Variants in TNNI3K observed in about 807,000 individuals in gnomAD.
The protein encoded by TNNI3K is serine/threonine-protein kinase TNNI3K.
Under a neutral mutation model 114.5 loss-of-function variants are expected in TNNI3K, and 140 were observed. The ratio of observed to expected loss-of-function variants is 1.22; its 90% confidence interval spans 1.07 to 1.41. The LOEUF (loss-of-function observed/expected upper bound fraction) is 1.41, where lower values mean the gene tolerates loss of function less well. TNNI3K is among the 40% of genes most tolerant of loss of function. The pLI, the probability that TNNI3K is intolerant of heterozygous loss-of-function variation, is 0.00. For synonymous variants in TNNI3K, 347 were observed against 347.5 expected (o/e 1.00, Z 0.02); for missense variants, 1,125 against 1,007.6 (o/e 1.12, Z -1.58).
At chr1:74,541,580 T>A (rs1646727332) in intron 24 of TNNI3K, 1 of 152,202 alleles carries the variant, frequency 6.6e-6, no homozygotes, top group Non-Finnish European at 1.5e-5. Flanking sequence ...CTTTGAAACA[T>A]TTGCTTTGAC....
intron 7 of TNNI3K, among the ~76,000 whole-genome samples, chr1:74,336,383 G>A (rs1660466273): frequency 6.6e-6 from 1 of 151,908 alleles, no homozygotes; most frequent in South Asian, 2.1e-4. Context: ...AAGTTTTAGG[G>A]TACATGTGCA....
At chr1:74,277,579 A>G (rs1465911103) in intron 5 of TNNI3K, among the ~76,000 whole-genome samples, 3 of 152,132 alleles carry the variant, frequency 2.0e-5, no homozygotes, top group African/African-American at 7.2e-5. Context: ...AGCACACAAC[A>G]CACACACACC....
At chr1:74,518,021 G>A (rs1343889024) in intron 23 of TNNI3K, among the ~76,000 whole-genome samples, 2 of 152,156 alleles carry the variant, frequency 1.3e-5, no homozygotes, top group Non-Finnish European at 2.9e-5. Flanking sequence ...CAAAGTTTTT[G>A]AGCAAGCGAT....
intron 5 of TNNI3K, among the ~76,000 whole-genome samples, chr1:74,309,165 G>A (rs947355739): frequency 2.0e-5 from 3 of 150,910 alleles, no homozygotes; most frequent in Non-Finnish European, 4.4e-5. Context: ...TCAGGAGATC[G>A]AGACCATCCT....
At chr1:74,473,957 T>C (rs1373193719) in intron 21 of TNNI3K, among the ~76,000 whole-genome samples, 1 of 152,138 alleles carries the variant, frequency 6.6e-6, no homozygotes, top group Non-Finnish European at 1.5e-5. Flanking sequence ...AATTTTTCTT[T>C]ACCGATTTCT....
chr1:74,269,964 A>G (rs961388775), intron 4 of TNNI3K, among the ~76,000 whole-genome samples: 11 of 151,990 alleles, frequency 7.2e-5, no homozygotes, highest in South Asian at 2.1e-4. Flanking sequence ...AGCAAAGGAG[A>G]TAAGAATTTT....
intron 17 of TNNI3K, among the ~76,000 whole-genome samples, chr1:74,391,946 T>A (rs1021614239): frequency 2.0e-5 from 3 of 148,952 alleles, no homozygotes; most frequent in Non-Finnish European, 4.4e-5. Context: ...TTTAGGATGG[T>A]ACAGCTTATT....
intron 9 of TNNI3K, among the ~76,000 whole-genome samples, chr1:74,348,447 G>T (rs938052326): frequency 1.3e-5 from 2 of 152,142 alleles, no homozygotes; most frequent in Admixed American, 6.5e-5. Context: ...CTCCAACTTT[G>T]TTCTTTTTGC....
chr1:74,486,019 C>T (rs550178036), intron 21 of TNNI3K, among the ~76,000 whole-genome samples: 1 of 152,246 alleles, frequency 6.6e-6, no homozygotes, highest in South Asian at 2.1e-4. Flanking sequence ...CCAGTGGAAA[C>T]TGAGATAAAA....
chr1:74,472,015 T>C (rs547827553), intron 21 of TNNI3K: 4 of 692,760 alleles, frequency 5.8e-6, no homozygotes, highest in Non-Finnish European at 1.1e-5. Context: ...ATAGTGTTCC[T>C]CAGGCTCACA....
chr1:74,257,957 G>T (rs1452171776), intron 4 of TNNI3K, among the ~76,000 whole-genome samples: 1 of 151,990 alleles, frequency 6.6e-6, no homozygotes, highest in Admixed American at 6.6e-5. Flanking sequence ...GTGAGCCACC[G>T]TGCCCGGCCG....
chr1:74,406,986 A>G (rs547638249), intron 17 of TNNI3K, among the ~76,000 whole-genome samples: 1 of 152,320 alleles, frequency 6.6e-6, no homozygotes, highest in East Asian at 1.9e-4. Flanking sequence ...TGTCTTTGGT[A>G]TCAGTGAAAA....
intron 21 of TNNI3K, among the ~76,000 whole-genome samples, chr1:74,473,569 G>C (rs367599141): frequency 6.6e-6 from 1 of 151,486 alleles, no homozygotes; most frequent in Non-Finnish European, 1.5e-5. Context: ...TAGGTGTTAG[G>C]CCTCAAAATT....
intron 9 of TNNI3K, among the ~76,000 whole-genome samples, chr1:74,349,242 T>C (rs1055619708): frequency 6.6e-6 from 1 of 152,152 alleles, no homozygotes; most frequent in Non-Finnish European, 1.5e-5. Context: ...GAGATAATCA[T>C]GTGTTTTTTG....
At chr1:74,327,470 G>T (rs1659970483) in intron 5 of TNNI3K, among the ~76,000 whole-genome samples, 1 of 146,202 alleles carries the variant, frequency 6.8e-6, no homozygotes, top group Non-Finnish European at 1.5e-5. Context: ...ATATATCTCA[G>T]TATTATTCTT....
chr1:74,463,768 A>G (rs78661285), intron 21 of TNNI3K, among the ~76,000 whole-genome samples: 1 of 152,268 alleles, frequency 6.6e-6, no homozygotes, highest in South Asian at 2.1e-4. Flanking sequence ...CTCACAACTG[A>G]TTAGTAAAAG....
chr1:74,505,164 C>T (rs572409992), intron 23 of TNNI3K, among the ~76,000 whole-genome samples: 1 of 152,122 alleles, frequency 6.6e-6, no homozygotes, highest in South Asian at 2.1e-4. Flanking sequence ...TTGGCAGTTG[C>T]GTGTGTGTAC....
At chr1:74,270,124 T>C (rs1656251488) in intron 4 of TNNI3K, among the ~76,000 whole-genome samples, 1 of 151,832 alleles carries the variant, frequency 6.6e-6, no homozygotes, top group Non-Finnish European at 1.5e-5. Context: ...TGACTTCACC[T>C]GGTAATACGA....
At chr1:74,474,211 T>C (rs1273910517) in intron 21 of TNNI3K, among the ~76,000 whole-genome samples, 3 of 152,120 alleles carry the variant, frequency 2.0e-5, no homozygotes, top group Non-Finnish European at 2.9e-5. Flanking sequence ...AGTTAAAAGA[T>C]GAAATGAAAG....
Sources: allele counts gnomAD v4.1 joint callset (sites outside exome capture counted in the v4.1 genomes callset), GRCh38; gene constraint gnomAD v4.1.1; transcripts MANE v1.5; gene names NCBI Gene and HGNC (gene_info 2026-07-23, HGNC 2026-07-21).